ABCC10: variants seen among roughly 807,000 people sequenced by gnomAD.
The protein encoded by ABCC10 is ATP binding cassette subfamily C member 10.
ABCC10 carries 110 observed loss-of-function variants against 143.2 expected under a neutral mutation model. That is an observed-to-expected ratio of 0.77 (90% CI 0.66 to 0.90). The LOEUF is 0.90. Among genes scored for constraint, ABCC10 ranks in the 40% least tolerant of loss-of-function variants. The pLI is 0.00. For synonymous variants in ABCC10, 805 were observed against 846.7 expected (o/e 0.95, Z 0.85); for missense variants, 1,700 against 1,900.5 (o/e 0.89, Z 1.96).
chr6:43,445,027 G>A (rs1782883670), intron 13 of ABCC10, 89 bp downstream of exon 13: 1 of 1,579,526 alleles, frequency 6.3e-7, no homozygotes, highest in Admixed American at 1.7e-5. Context: ...TCCAGATGCT[G>A]TGACTTCTGG....
chr6:43,439,299 AC>A (rs1052106264), intron 8 of ABCC10, among the ~76,000 whole-genome samples: 6 of 151,910 alleles, frequency 3.9e-5, no homozygotes, highest in African/African-American at 1.5e-4. Context: ...CCACTACCCT[AC>A]CCAGGTAAAT....
chr6:43,445,961 A>G lies in ABCC10; in HGVS notation c.3374+19A>G. On this transcript the variant is annotated intron_variant, in intron 15 of 21. Transcript: ENST00000372530. ...CCTACAGGTGTGTGAACCAGAGCCC[A>G]GGGGGATGAGGTGTTGGGGGGAGAG... 1 of 1,599,408 alleles carries G rather than the reference A, an allele frequency of 6.3e-7. No homozygotes were observed. The highest frequency in any genetic ancestry group is 8.5e-7 in the Non-Finnish European group (1 of 1,170,132).
At chr6:43,434,875 G>A in intron 4 of ABCC10, 27 bp downstream of exon 4, 2 of 1,603,384 alleles carry the variant, frequency 1.2e-6, no homozygotes, top group Non-Finnish European at 1.7e-6. Context: ...AAGGGGACCA[G>A]CATCAAGGAG....
At chr6:43,427,855 C>A in intron 1 of ABCC10, 98 bp downstream of exon 1, 2 of 1,246,598 alleles carry the variant, frequency 1.6e-6, no homozygotes, top group Non-Finnish European at 2.3e-6. Flanking sequence ...GGGGCGGAAG[C>A]GACGGGCGGT....
At chr6:43,433,403 C>A (rs759717275) in intron 3 of ABCC10, 43 bp downstream of exon 3, 56 of 1,551,396 alleles carry the variant, frequency 3.6e-5, no homozygotes, top group Non-Finnish European at 4.8e-5. Context: ...GGAGACCCCA[C>A]CCAGCCCAGG....
chr6:43,432,045 G>T (rs1285693782), intron 2 of ABCC10, 97 bp from the exon 3 acceptor site: 2 of 1,526,578 alleles, frequency 1.3e-6, no homozygotes, highest in Non-Finnish European at 1.8e-6. Context: ...CAGGAAGGGA[G>T]TTGATTCCTT....
chr6:43,446,560 T>C, intron 16 of ABCC10, 114 bp downstream of exon 16: 1 of 1,447,508 alleles, frequency 6.9e-7, no homozygotes, highest in African/African-American at 1.4e-5. Context: ...GGGTTCCCTG[T>C]GAGGATGTAT....
intron 21 of ABCC10, 109 bp from the exon 22 acceptor site, chr6:43,449,820 G>A (rs1376444991): frequency 6.0e-6 from 8 of 1,323,550 alleles, no homozygotes; most frequent in Admixed American, 2.1e-5. Context: ...GCTAAAGCCT[G>A]TGGGGACAGA....
Position 43,444,941 on chromosome 6 carries a change from G to A in ABCC10, c.2840+3G>A. The A allele has an allele frequency of 6.2e-7, 1 of 1,609,362 alleles. No individual in the cohort carries two copies. The highest frequency in any genetic ancestry group is 8.5e-7 in the Non-Finnish European group (1 of 1,177,638). On this transcript the variant is annotated splice_donor_region_variant and intron_variant, in intron 13 of 21. Transcript: ENST00000372530. Reference sequence around the variant, plus strand: ...CTCTTTTCCCCTGGAAACCTCTAGTGAGTGGCTGGGGCTGGGGGTAGGCCT... The same window carrying A: ...CTCTTTTCCCCTGGAAACCTCTAGTAAGTGGCTGGGGCTGGGGGTAGGCCT...
chr6:43,450,167 G>C lies in ABCC10; in HGVS notation c.*76G>C. The C allele has an allele frequency of 6.8e-7, 1 of 1,469,882 alleles. No homozygotes were observed. The highest frequency in any genetic ancestry group is 9.2e-7 in the Non-Finnish European group (1 of 1,089,798). The allele number at this position is 1,469,882 out of a possible 1,614,324, so 91.1% of individuals were successfully genotyped here. ...GCCTATACAGAGGTGCTGGCTGCTT[G>C]TTTACATTCTCCTCTGGGGCTCTAC... On this transcript the variant is annotated 3_prime_UTR_variant, in exon 22 of 22. Coordinates refer to ENST00000372530, the MANE Select transcript of ABCC10 (RefSeq NM_001198934.2). This position sits in a 1 kb window ranked among gnomAD's most constrained non-coding sequence, Gnocchi z 4.5.
rs754286885 is a variant in ABCC10 at position 43,449,114 on chromosome 6, G to C, written c.4113G>C (p.Leu1371=). Residue 1371 remains leucine (L), a synonymous_variant, in exon 20 of 22, where the codon CTG becomes CTC. Coordinates refer to ENST00000372530, the MANE Select transcript of ABCC10 (RefSeq NM_001198934.2). ...AAGATGCTTTCCTTGCAGGTGGTCTGGATGGTGAGCTGGGTGAGGGGGGCC... is the reference window on the plus strand; with the variant it reads ...AAGATGCTTTCCTTGCAGGTGGTCTCGATGGTGAGCTGGGTGAGGGGGGCC... ...LSEVITSMGG[L]DGELGEGGRS... 1 of 1,614,198 alleles carries C rather than the reference G, an allele frequency of 6.2e-7. No individual in the cohort carries two copies. Among genetic ancestry groups the C allele is most frequent in the South Asian group, 1.1e-5 (1 of 91,078 alleles).
chr6:43,428,513 G>GT (rs1406133257), intron 2 of ABCC10, among the ~76,000 whole-genome samples: 1 of 152,194 alleles, frequency 6.6e-6, no homozygotes, highest in African/African-American at 2.4e-5. Context: ...GCGATGATGT[G>GT]TTTAAGTTGT....
In ABCC10 at chr6:43,443,859, T is replaced by G; in HGVS notation, c.2417-74T>G. On this transcript the variant is annotated intron_variant, in intron 10 of 21. Coordinates refer to ENST00000372530, the MANE Select transcript of ABCC10 (RefSeq NM_001198934.2). This position sits in a 1 kb window ranked among gnomAD's most constrained non-coding sequence, Gnocchi z 4.2. ...AGGCCTGAGAGGATGAGAGGTGGGA[T>G]CTGCACACGCACTGAGAAAGGCATA... 4 of 1,432,242 alleles carry G rather than the reference T, an allele frequency of 2.8e-6. No homozygotes were observed. The highest frequency in any genetic ancestry group is 3.9e-6 in the Non-Finnish European group (4 of 1,014,816). The allele number at this position is 1,432,242 out of a possible 1,614,324, so 88.7% of individuals were successfully genotyped here. A position where few individuals can be genotyped will look rare whatever the true frequency, so the allele number is the denominator to read the frequency against.
chr6:43,450,959 G>A, downstream of ABCC10: 1 of 1,614,218 alleles, frequency 6.2e-7, no homozygotes, highest in Non-Finnish European at 8.5e-7. The surrounding 1 kb of genome is among the most constrained non-coding windows in gnomAD (Gnocchi z 4.5). Context: ...CACAGGTCTT[G>A]CCACCATAGC....
intron 8 of ABCC10, among the ~76,000 whole-genome samples, chr6:43,439,043 T>C (rs1782048630): frequency 1.3e-5 from 2 of 151,980 alleles, no homozygotes; most frequent in Non-Finnish European, 2.9e-5. Context: ...CTAGGGAGGG[T>C]TCCACCTGTG....
At position 43,428,046 on chromosome 6, in the gene ABCC10, A is replaced by G; in HGVS notation, c.68A>G (p.Asp23Gly). 6.3e-7 allele frequency: 1 copy of G among 1,599,802 alleles called. No homozygotes were observed. The highest frequency in any genetic ancestry group is 1.3e-5 in the African/African-American group (1 of 74,840). ...TGGCCGCTCCCGCTGTGGGAGGGGGACACCACAGGCCACTGCTTCACCCAG... is the reference window on the plus strand; with the variant it reads ...TGGCCGCTCCCGCTGTGGGAGGGGGGCACCACAGGCCACTGCTTCACCCAG... The part of the protein sequence containing the change: ...AAWPLPLWEG[D>G]TTGHCFTQLV... The change falls in exon 2 of 22, where the codon GAC (aspartate) becomes GGC (glycine). Residue 23 changes from aspartate to glycine, a missense_variant. Transcript: ENST00000372530.
chr6:43,439,996 G>A lies in ABCC10; in HGVS notation c.2127+1201G>A, dbSNP rs372242260. Among the ~76,000 whole-genome samples, 478 of 150,062 alleles carry A rather than the reference G, an allele frequency of 3.2e-3. 4 individuals are homozygous for A. Among genetic ancestry groups the A allele is most frequent in the African/African-American group, 0.011 (446 of 40,818 alleles). On this transcript the variant is annotated intron_variant, in intron 8 of 21. Coordinates refer to ENST00000372530, the MANE Select transcript of ABCC10 (RefSeq NM_001198934.2). ...GTGTGAGACAGAGTCTTGCTCTGTC[G>A]CTCAGGCTGGAGTGCAGTGGAATGA...
At position 43,438,627 on chromosome 6, in the gene ABCC10, G is replaced by T. The variant is rs755816416; in HGVS notation, c.1959G>T (p.Leu653=). The T allele has an allele frequency of 6.2e-7, 1 of 1,613,826 alleles. No homozygotes were observed. The highest frequency in any genetic ancestry group is 1.1e-5 in the South Asian group (1 of 91,086). Residue 653 remains leucine (L), a synonymous_variant, in exon 8 of 22, where the codon CTG becomes CTT. Transcript: ENST00000372530. Reference sequence around the variant, plus strand: ...TTGCTCGCCTGGCTCTCTGCAGGCTGCGTGGGCATGTGGCAGTGCGGGGGC... The same window carrying T: ...TTGCTCGCCTGGCTCTCTGCAGGCTTCGTGGGCATGTGGCAGTGCGGGGGC... ...LAAIAGELHR[L]RGHVAVRGLS... is the part of the protein sequence containing the mutation.
chr6:43,441,291 C>CA (rs1487822840), intron 8 of ABCC10, among the ~76,000 whole-genome samples: 1 of 151,904 alleles, frequency 6.6e-6, no homozygotes. Flanking sequence ...TCCTGGCTAA[C>CA]ATGGTGAAAC....
Sources: allele counts gnomAD v4.1 joint callset (sites outside exome capture counted in the v4.1 genomes callset), GRCh38; gene constraint gnomAD v4.1.1; non-coding constraint Gnocchi (gnomAD v3.1); transcripts MANE v1.5; gene names NCBI Gene and HGNC (gene_info 2026-07-23, HGNC 2026-07-21).